NDNF: variants seen among roughly 807,000 people sequenced by gnomAD.
NDNF encodes the protein protein NDNF.
In NDNF, 16 loss-of-function variants were observed where a neutral mutation model predicts 42.0. The observed-to-expected ratio is 0.38, with a 90% CI of 0.26 to 0.58. The LOEUF is 0.58. Ranked by LOEUF, NDNF falls within the 20% of genes least tolerant of loss-of-function variation. The pLI, the probability that NDNF is intolerant of heterozygous loss-of-function variation, is 0.67. For missense variants in NDNF, 616 were observed against 666.2 expected (o/e 0.92, Z 0.83); for synonymous variants, 248 against 251.7 (o/e 0.99, Z 0.14).
chr4:121,057,508 A>G (rs1404119255), intron 1 of NDNF, among the ~76,000 whole-genome samples: 1 of 152,144 alleles, frequency 6.6e-6, no homozygotes, highest in Middle Eastern at 3.2e-3. Flanking sequence ...AAGACCCGGC[A>G]GTCAGGTCAG....
intron 3 of NDNF, chr4:121,038,049 T>C: frequency 6.0e-6 from 1 of 168,032 alleles, no homozygotes; most frequent in Non-Finnish European, 1.3e-5. Flanking sequence ...CTGATTAAAA[T>C]ACACAATATA....
chr4:121,045,268 C>T (rs1208687794), intron 2 of NDNF, among the ~76,000 whole-genome samples: 2 of 151,620 alleles, frequency 1.3e-5, no homozygotes, highest in Non-Finnish European at 2.9e-5. Context: ...AGGAGAATGG[C>T]GTGAACCCAG....
At chr4:121,052,319 A>G (rs961544695) in intron 1 of NDNF, among the ~76,000 whole-genome samples, 4 of 152,228 alleles carry the variant, frequency 2.6e-5, no homozygotes, top group African/African-American at 9.6e-5. Context: ...AAGTTGAAAT[A>G]CATTTACAAT....
At position 121,039,935 on chromosome 4, in the gene NDNF, C is replaced by A. The variant is rs780716248; in HGVS notation, c.308G>T (p.Gly103Val). The change falls in exon 3 of 4, where the codon GGC (glycine) becomes GTC (valine). Residue 103 changes from glycine (G) to valine (V), a missense_variant. Transcript: ENST00000379692. ...QELPEDRSGEGSGDLEPLEQQ... is the reference protein window; with the variant it reads ...QELPEDRSGEVSGDLEPLEQQ... Reference sequence around the variant, plus strand: ...AGATCTATCCTGCTGCTTACCTGAGCCTTCCCCGCTCCTGTCCTCTGGCAG... The same window carrying A: ...AGATCTATCCTGCTGCTTACCTGAGACTTCCCCGCTCCTGTCCTCTGGCAG... The A allele has an allele frequency of 5.6e-6, 9 of 1,613,482 alleles. No homozygotes were observed. The South Asian group carries it at 8.8e-5, about 16-fold the overall frequency.
intron 1 of NDNF, among the ~76,000 whole-genome samples, chr4:121,060,700 T>C (rs931011779): frequency 6.6e-6 from 1 of 152,074 alleles, no homozygotes; most frequent in Non-Finnish European, 1.5e-5. Flanking sequence ...TACAGAATAA[T>C]AAATTGAATA....
chr4:121,048,656 G>A (rs1727134996), intron 1 of NDNF, among the ~76,000 whole-genome samples: 1 of 152,190 alleles, frequency 6.6e-6, no homozygotes, highest in South Asian at 2.1e-4. Context: ...TGGCCAACAT[G>A]GCAAAACCCC....
At chr4:121,059,426 A>G (rs1243353500) in intron 1 of NDNF, among the ~76,000 whole-genome samples, 1 of 152,172 alleles carries the variant, frequency 6.6e-6, no homozygotes, top group Non-Finnish European at 1.5e-5. Context: ...GCTTTTGACA[A>G]TTTTATGGGT....
At chr4:121,061,680 G>A (rs911481880) in intron 1 of NDNF, among the ~76,000 whole-genome samples, 1 of 151,814 alleles carries the variant, frequency 6.6e-6, no homozygotes, top group African/African-American at 2.4e-5. Flanking sequence ...CCCCACCAAC[G>A]ATTATGTAAT....
intron 1 of NDNF, among the ~76,000 whole-genome samples, chr4:121,053,773 G>A (rs952249163): frequency 4.6e-5 from 7 of 152,192 alleles, no homozygotes; most frequent in East Asian, 1.9e-4. Context: ...AATAATGAAA[G>A]CCCCAAAGGA....
chr4:121,047,834 A>C (rs1440828556), intron 1 of NDNF, among the ~76,000 whole-genome samples: 1 of 152,208 alleles, frequency 6.6e-6, no homozygotes, highest in Non-Finnish European at 1.5e-5. Flanking sequence ...TCTCCCTCAG[A>C]TATCCAGATG....
intron 1 of NDNF, among the ~76,000 whole-genome samples, chr4:121,071,271 G>A (rs1560612472): frequency 6.6e-6 from 1 of 151,958 alleles, no homozygotes; most frequent in Non-Finnish European, 1.5e-5. Flanking sequence ...TCTGCTCTCC[G>A]GAAGAAAGTA....
intron 2 of NDNF, among the ~76,000 whole-genome samples, chr4:121,042,437 A>G (rs1560604320): frequency 6.6e-6 from 1 of 152,196 alleles, no homozygotes; most frequent in Admixed American, 6.5e-5. Context: ...AGACAAATAA[A>G]GTGAAGACCC....
chr4:121,048,328 G>A (rs1010736369), intron 1 of NDNF, among the ~76,000 whole-genome samples: 1 of 152,210 alleles, frequency 6.6e-6, no homozygotes, highest in African/African-American at 2.4e-5. Context: ...TTGCCTCAGA[G>A]CCACTCAAGG....
At chr4:121,048,455 G>A (rs1472968357) in intron 1 of NDNF, among the ~76,000 whole-genome samples, 4 of 152,282 alleles carry the variant, frequency 2.6e-5, no homozygotes, top group Non-Finnish European at 5.9e-5. Flanking sequence ...AGGTCAGCCC[G>A]AGTTGGAAAA....
chr4:121,037,508 T>C lies in NDNF; in HGVS notation c.463A>G (p.Lys155Glu). The C allele has an allele frequency of 6.2e-7, 1 of 1,614,104 alleles. No individual in the cohort carries two copies. The highest frequency in any genetic ancestry group is 1.1e-5 in the South Asian group (1 of 91,080). ...LYQLDLLSTEKDTHFKVYATT... is the reference protein window; with the variant it reads ...LYQLDLLSTEEDTHFKVYATT... The stretch of plus-strand genomic sequence containing the variant: ...GCATATACTTTGAAATGTGTGTCTT[T>C]CTCTGTTGAAAGAAGATCCAACTGA... Residue 155 changes from lysine (K) to glutamate (E), a missense_variant, in exon 4 of 4, where the codon AAA becomes GAA. By Grantham distance (56) the Lys-to-Glu change is moderately conservative (BLOSUM62 1). Transcript: ENST00000379692.
chr4:121,045,036 A>G (rs1488383910), intron 2 of NDNF, among the ~76,000 whole-genome samples: 1 of 152,202 alleles, frequency 6.6e-6, no homozygotes, highest in East Asian at 1.9e-4. Context: ...CTTTAATCCT[A>G]CAGAATCCTT....
intron 1 of NDNF, among the ~76,000 whole-genome samples, chr4:121,066,332 A>T (rs1727498997): frequency 6.6e-6 from 1 of 152,188 alleles, no homozygotes; most frequent in East Asian, 1.9e-4. Context: ...TGTTGGCAAC[A>T]AATCTCTCTT....
At position 121,051,005 on chromosome 4, in the gene NDNF, TAC is replaced by T. The variant is rs534328280; in HGVS notation, c.-1-5169_-1-5168del. Reference sequence around the variant, plus strand: ...CTAGTTTATATGGTGTATGAATATATACACACACATATTTTTAGATCAAAAAT... The same window carrying T: ...CTAGTTTATATGGTGTATGAATATATACACACATATTTTTAGATCAAAAAT... On this transcript the variant is annotated intron_variant, in intron 1 of 3. Transcript: ENST00000379692. Among the ~76,000 whole-genome samples the T allele has an allele frequency of 1.4e-4, 21 of 152,216 alleles. No individual in the cohort carries two copies. In the East Asian group the frequency reaches 3.9e-3, roughly 28 times the overall value.
chr4:121,058,734 T>C, intron 1 of NDNF, among the ~76,000 whole-genome samples: 1 of 152,122 alleles, frequency 6.6e-6, no homozygotes, highest in East Asian at 1.9e-4. Flanking sequence ...TGTTCTCTTT[T>C]CTATCCAAAT....
Sources: allele counts gnomAD v4.1 joint callset (sites outside exome capture counted in the v4.1 genomes callset), GRCh38; gene constraint gnomAD v4.1.1; transcripts MANE v1.5; gene names NCBI Gene and HGNC (gene_info 2026-07-23, HGNC 2026-07-21).